EDA: variants seen among roughly 807,000 people sequenced by gnomAD.
EDA encodes ectodysplasin A.
A neutral mutation model predicts 23.6 loss-of-function variants in EDA; 2 were observed. That is an observed-to-expected ratio of 0.08 (90% CI 0.03 to 0.27). EDA has a LOEUF of 0.27. EDA is among the 10% of genes least tolerant of loss of function. The pLI is 1.00. For synonymous variants in EDA, 131 were observed against 132.0 expected, an observed-to-expected ratio of 0.99 and a Z score of 0.05; for missense variants, 229 against 324.2, an observed-to-expected ratio of 0.71 and a Z score of 2.26.
intron 1 of EDA, chrX:69,861,176 C>A: frequency 1.0e-5 from 3 of 288,010 alleles, no homozygotes; most frequent in East Asian, 6.1e-5. Flanking sequence ...GAAGAACAAG[C>A]AAAGATTGTT....
chrX:69,726,369 C>T lies in EDA; in HGVS notation c.396+109665C>T, dbSNP rs751149230. Among the ~76,000 whole-genome samples, 8 of 111,827 alleles carry T rather than the reference C, an allele frequency of 7.2e-5. No individual in the cohort carries two copies. The East Asian group carries it at 2.2e-3, about 31-fold the overall frequency. On this transcript the variant is annotated intron_variant, in intron 1 of 7. Coordinates refer to ENST00000374552, the MANE Select transcript of EDA (RefSeq NM_001399.5). Reference sequence around the variant, plus strand: ...GTTTGGATCCCCAAAGGGCTAAACTCTAGGAGTAAGGATGAACTAGAAAAT... The same window carrying T: ...GTTTGGATCCCCAAAGGGCTAAACTTTAGGAGTAAGGATGAACTAGAAAAT...
At chrX:69,784,347 T>C (rs1345505228) in intron 1 of EDA, among the ~76,000 whole-genome samples, 1 of 102,738 alleles carries the variant, frequency 9.7e-6, no homozygotes, top group African/African-American at 3.6e-5. Context: ...TTTGGAGTTT[T>C]AGACATGAAG....
chrX:69,876,254 C>T (rs1173009085), intron 1 of EDA, among the ~76,000 whole-genome samples: 3 of 105,515 alleles, frequency 2.8e-5, no homozygotes, highest in Admixed American at 1.0e-4. Context: ...CATCAGTTAA[C>T]GAGTGGATAA....
chrX:69,995,830 C>A lies in EDA; in HGVS notation c.503-27388C>A, dbSNP rs765699649. On this transcript the variant is annotated intron_variant, in intron 2 of 7. Coordinates refer to ENST00000374552, the MANE Select transcript of EDA (RefSeq NM_001399.5). ...CCTCACTCCGTACTTCCAGAAGGGG[C>A]AACCACTAGACCAGAAGGAATGGAG... Among the ~76,000 whole-genome samples, 217 of 112,377 alleles carry A rather than the reference C, an allele frequency of 1.9e-3. 1 individual carries two copies. Among genetic ancestry groups the A allele is most frequent in the African/African-American group, 6.7e-3 (208 of 30,952 alleles).
At chrX:69,837,245 C>T (rs1464111820) in intron 1 of EDA, among the ~76,000 whole-genome samples, 1 of 111,818 alleles carries the variant, frequency 8.9e-6, no homozygotes. Context: ...GTTAAACCCA[C>T]AATCAGAGTT....
chrX:70,012,402 C>T (rs1302257869), intron 2 of EDA, among the ~76,000 whole-genome samples: 4 of 111,829 alleles, frequency 3.6e-5, no homozygotes, highest in African/African-American at 1.3e-4. Flanking sequence ...GACATTTTCT[C>T]TCTAGAAGCT....
At chrX:69,723,313 C>G (rs931327767) in intron 1 of EDA, among the ~76,000 whole-genome samples, 1 of 111,974 alleles carries the variant, frequency 8.9e-6, no homozygotes, top group Non-Finnish European at 1.9e-5. Context: ...CAGCTTGCTT[C>G]TACATGCTAC....
At chrX:69,943,258 G>A (rs773291363) in intron 1 of EDA, among the ~76,000 whole-genome samples, 2 of 111,165 alleles carry the variant, frequency 1.8e-5, no homozygotes, top group Non-Finnish European at 3.8e-5. Context: ...TCTGGGCATT[G>A]AACAGTTACG....
At chrX:69,666,067 A>G (rs968294603) in intron 1 of EDA, among the ~76,000 whole-genome samples, 1 of 111,903 alleles carries the variant, frequency 8.9e-6, no homozygotes, top group Admixed American at 9.5e-5. Flanking sequence ...TTTCGATGCT[A>G]TCATAAATGG....
At chrX:69,837,026 T>A (rs1330316101) in intron 1 of EDA, among the ~76,000 whole-genome samples, 17 of 112,216 alleles carry the variant, frequency 1.5e-4, no homozygotes, top group African/African-American at 4.2e-4. Context: ...TTTTAAAAAA[T>A]TTTTTTGTTT....
At chrX:69,861,715 A>G (rs2017389915) in intron 1 of EDA, among the ~76,000 whole-genome samples, 1 of 112,162 alleles carries the variant, frequency 8.9e-6, no homozygotes, top group African/African-American at 3.2e-5. Flanking sequence ...AAAAACTGAG[A>G]TACTACATTA....
chrX:69,688,604 T>C (rs1346080369), intron 1 of EDA, among the ~76,000 whole-genome samples: 1 of 111,102 alleles, frequency 9.0e-6, no homozygotes, highest in South Asian at 3.8e-4. Context: ...TTTTGCTATG[T>C]TGGCCAGGCT....
intron 1 of EDA, among the ~76,000 whole-genome samples, chrX:69,771,160 G>C (rs760095568): frequency 1.2e-4 from 11 of 95,368 alleles, no homozygotes; most frequent in Non-Finnish European, 2.1e-4. Context: ...AGGTTCAAGC[G>C]ATTCTCCTGC....
At chrX:69,811,979 G>A (rs1284584213) in intron 1 of EDA, among the ~76,000 whole-genome samples, 1 of 111,517 alleles carries the variant, frequency 9.0e-6, no homozygotes, top group East Asian at 2.8e-4. Context: ...AGTGGGGCTT[G>A]AAAGCTGTCA....
intron 1 of EDA, among the ~76,000 whole-genome samples, chrX:69,686,357 T>C (rs1314995920): frequency 1.8e-5 from 2 of 112,117 alleles, no homozygotes; most frequent in African/African-American, 3.2e-5. Flanking sequence ...GCCACTAATA[T>C]AGGTTGGTGT....
At chrX:69,689,483 C>G (rs752298471) in intron 1 of EDA, among the ~76,000 whole-genome samples, 76 of 108,929 alleles carry the variant, frequency 7.0e-4, no homozygotes, top group Non-Finnish European at 1.0e-3. Context: ...TTACAGGCAC[C>G]CACCACCGTG....
chrX:69,673,346 C>T (rs1048859023), intron 1 of EDA, among the ~76,000 whole-genome samples: 6 of 110,965 alleles, frequency 5.4e-5, no homozygotes, highest in Admixed American at 1.9e-4. Flanking sequence ...AGTTTGTGAT[C>T]GAGAATTTCA....
chrX:69,750,808 G>A (rs1306788085), intron 1 of EDA, among the ~76,000 whole-genome samples: 3 of 112,170 alleles, frequency 2.7e-5, no homozygotes, highest in Non-Finnish European at 3.8e-5. Context: ...TCTGTGGGCT[G>A]CATAAATGTC....
intron 1 of EDA, among the ~76,000 whole-genome samples, chrX:69,775,575 A>G (rs2014757011): frequency 8.9e-6 from 1 of 111,789 alleles, no homozygotes; most frequent in South Asian, 3.7e-4. Context: ...CAGTGACTCC[A>G]GAACACATCA....
Sources: gnomAD v4.1 joint callset for allele counts (sites outside exome capture counted in the v4.1 genomes callset) on GRCh38, gnomAD v4.1.1 for gene constraint, MANE v1.5 for transcripts, NCBI Gene and HGNC (gene_info 2026-07-23, HGNC 2026-07-21) for gene names.